PIGL: variants seen among roughly 807,000 people sequenced by gnomAD.
PIGL encodes phosphatidylinositol glycan anchor biosynthesis class L, also known as N-acetylglucosaminyl-phosphatidylinositol de-N-acetylase.
A neutral mutation model predicts 31.1 loss-of-function variants in PIGL; 22 were observed. That is an observed-to-expected ratio of 0.71 (90% CI 0.51 to 1.01). PIGL has a LOEUF of 1.01. Among genes scored for constraint, PIGL ranks in the 50% least tolerant of loss-of-function variants. The pLI is 0.00. For synonymous variants in PIGL, 131 were observed against 117.4 expected (o/e 1.12, Z -0.75); for missense variants, 302 against 315.9 (o/e 0.96, Z 0.33).
chr17:16,275,492 T>G (rs1428242187), intron 2 of PIGL, among the ~76,000 whole-genome samples: 1 of 152,170 alleles, frequency 6.6e-6, no homozygotes, highest in African/African-American at 2.4e-5. Context: ...CTCCTGGGAA[T>G]GCAACCCAGT....
intron 2 of PIGL, among the ~76,000 whole-genome samples, chr17:16,296,780 G>A (rs1222107668): frequency 7.3e-5 from 11 of 151,616 alleles, no homozygotes; most frequent in African/African-American, 2.4e-4. Flanking sequence ...GCAGTGGCAC[G>A]GTCTCGGCTG....
intron 4 of PIGL, among the ~76,000 whole-genome samples, chr17:16,313,975 G>A (rs984178716): frequency 3.5e-4 from 53 of 152,316 alleles, no homozygotes; most frequent in African/African-American, 1.2e-3. Flanking sequence ...AATGAGTGCT[G>A]TCAATCAGTG....
intron 2 of PIGL, among the ~76,000 whole-genome samples, chr17:16,251,380 G>A (rs142804676): frequency 0.029 from 4,301 of 149,478 alleles, 90 homozygotes; most frequent in Non-Finnish European, 0.043. Context: ...CCTTGATCAC[G>A]CCATTGCACC....
chr17:16,252,066 C>CTTTTTTTTTT (rs66540057), intron 2 of PIGL, among the ~76,000 whole-genome samples: 8 of 123,826 alleles, frequency 6.5e-5, no homozygotes, highest in East Asian at 2.5e-4. Flanking sequence ...TTTTTTTTTC[C>CTTTTTTTTTT]TTTTTTTTTT....
intron 2 of PIGL, among the ~76,000 whole-genome samples, chr17:16,238,170 T>TG (rs2092707376): frequency 1.5e-5 from 2 of 136,040 alleles, no homozygotes; most frequent in African/African-American, 5.6e-5. Flanking sequence ...CACTCCAGCC[T>TG]GGGTGACAGG....
intron 2 of PIGL, among the ~76,000 whole-genome samples, chr17:16,290,131 T>C (rs574668407): frequency 4.6e-5 from 7 of 150,716 alleles, no homozygotes; most frequent in Admixed American, 4.0e-4. Context: ...ACTTGCTCTG[T>C]TGCCCAGGCT....
chr17:16,231,099 A>T (rs923725823), intron 1 of PIGL, among the ~76,000 whole-genome samples: 1 of 115,238 alleles, frequency 8.7e-6, no homozygotes. Flanking sequence ...TGGTAGAGAG[A>T]GGTCTTGCTA....
intron 2 of PIGL, among the ~76,000 whole-genome samples, chr17:16,263,067 T>C (rs950044910): frequency 8.1e-6 from 1 of 123,578 alleles, no homozygotes; most frequent in Non-Finnish European, 1.7e-5. Flanking sequence ...GAGGGAAAAA[T>C]GGGGTTTATT....
At position 16,252,055 on chromosome 17, in the gene PIGL, A is replaced by C. The variant is rs531837498; in HGVS notation, c.335+17985A>C. Among the ~76,000 whole-genome samples, 7 of 133,660 alleles carry C rather than the reference A, an allele frequency of 5.2e-5. No homozygotes were observed. In the East Asian group the frequency reaches 1.5e-3, roughly 29 times the overall value. 87.7% of individuals were successfully genotyped at this position (133,660 alleles called of 152,430 possible). Reference sequence around the variant, plus strand: ...ACACGAATTTCTCTATGCGCAGATAATTTTTTTTTCCTTTTTTTTTTTTTC... The same window carrying C: ...ACACGAATTTCTCTATGCGCAGATACTTTTTTTTTCCTTTTTTTTTTTTTC... On this transcript the variant is annotated intron_variant, in intron 2 of 6. Coordinates refer to ENST00000225609, the MANE Select transcript of PIGL (RefSeq NM_004278.4).
At position 16,311,117 on chromosome 17, in the gene PIGL, A is replaced by C. The variant is rs567897194; in HGVS notation, c.427-2430A>C. Among the ~76,000 whole-genome samples the C allele has an allele frequency of 2.0e-5, 3 of 152,252 alleles. 1 individual carries two copies. The South Asian group carries it at 6.2e-4, about 32-fold the overall frequency. ...TCCCTTCCCAGCCCATTCCAATCCC[A>C]GTTCCAGGTTCCTTCATCCATGCAG... On this transcript the variant is annotated intron_variant, in intron 3 of 6. Coordinates refer to ENST00000225609, the MANE Select transcript of PIGL (RefSeq NM_004278.4).
intron 2 of PIGL, among the ~76,000 whole-genome samples, chr17:16,285,829 C>T (rs2092935160): frequency 6.6e-6 from 1 of 152,160 alleles, no homozygotes; most frequent in Non-Finnish European, 1.5e-5. Context: ...TTAGGTTAGT[C>T]CTTGGCGGTG....
At chr17:16,245,152 C>G (rs2092739240) in intron 2 of PIGL, among the ~76,000 whole-genome samples, 1 of 152,058 alleles carries the variant, frequency 6.6e-6, no homozygotes, top group African/African-American at 2.4e-5. Context: ...ACCACCACGC[C>G]CAGCTAATTT....
At chr17:16,320,453 G>A (rs184963889) in intron 6 of PIGL, among the ~76,000 whole-genome samples, 1,048 of 94,218 alleles carry the variant, frequency 0.011, 4 homozygotes, top group Middle Eastern at 0.017. Flanking sequence ...AAGAAGGAAG[G>A]GAGGGAAGGA....
chr17:16,238,410 G>A (rs2092708581), intron 2 of PIGL, among the ~76,000 whole-genome samples: 1 of 150,270 alleles, frequency 6.7e-6, no homozygotes, highest in Non-Finnish European at 1.5e-5. Context: ...AAACCTTAGT[G>A]GAAGGTACTG....
chr17:16,268,044 G>A (rs1217245514), intron 2 of PIGL, among the ~76,000 whole-genome samples: 7 of 152,162 alleles, frequency 4.6e-5, no homozygotes, highest in Non-Finnish European at 7.3e-5. Flanking sequence ...TCACCATGCC[G>A]TGGTAACAGC....
chr17:16,217,620 G>GA, intron 1 of PIGL, 159 bp downstream of exon 1: 2 of 603,282 alleles, frequency 3.3e-6, no homozygotes, highest in South Asian at 2.3e-5. Context: ...GGACAGGAGC[G>GA]GCCGGCTTAC....
chr17:16,316,854 T>C (rs566477589), intron 5 of PIGL, 142 bp downstream of exon 5: 3 of 1,468,574 alleles, frequency 2.0e-6, no homozygotes, highest in Non-Finnish European at 2.7e-6. Context: ...TCTTCCTGAC[T>C]CACCTCAAGG....
chr17:16,261,653 A>G (rs2092819755), intron 2 of PIGL, among the ~76,000 whole-genome samples: 1 of 152,096 alleles, frequency 6.6e-6, no homozygotes, highest in African/African-American at 2.4e-5. Context: ...CATTATTATT[A>G]TTGCTTGAAG....
chr17:16,241,351 G>T (rs1482966255), intron 2 of PIGL, among the ~76,000 whole-genome samples: 1 of 151,586 alleles, frequency 6.6e-6, no homozygotes, highest in Non-Finnish European at 1.5e-5. Flanking sequence ...CACTTTGGGA[G>T]GCTGAGGTGG....
Sources: allele counts gnomAD v4.1 joint callset (sites outside exome capture counted in the v4.1 genomes callset), GRCh38; gene constraint gnomAD v4.1.1; transcripts MANE v1.5; gene names NCBI Gene and HGNC (gene_info 2026-07-23, HGNC 2026-07-21).